Variants in NELL1 observed in about 807,000 individuals in gnomAD.
The protein encoded by NELL1 is protein kinase C-binding protein NELL1.
In NELL1, 76 loss-of-function variants were observed where a neutral mutation model predicts 107.4. The observed-to-expected ratio is 0.71, with a 90% CI of 0.59 to 0.86. NELL1 has a LOEUF of 0.86. Ranked by LOEUF, NELL1 falls within the 40% of genes least tolerant of loss-of-function variation. The probability of loss-of-function intolerance (pLI) is 0.00; values close to 1 mark genes in which losing one functional copy is unlikely to be tolerated. For missense variants in NELL1, 1,024 were observed against 1,005.5 expected (o/e 1.02, Z -0.25); for synonymous variants, 353 against 341.2 (o/e 1.03, Z -0.38).
chr11:21,519,209 T>A (rs1276320767), intron 15 of NELL1, among the ~76,000 whole-genome samples: 1 of 152,180 alleles, frequency 6.6e-6, no homozygotes, highest in Non-Finnish European at 1.5e-5. Context: ...TAGCAAGAAC[T>A]TGGTCACATG....
chr11:20,949,443 G>A (rs1482438463), intron 11 of NELL1, among the ~76,000 whole-genome samples: 1 of 152,164 alleles, frequency 6.6e-6, no homozygotes, highest in Non-Finnish European at 1.5e-5. Context: ...GGAATTTTCA[G>A]AGTGATGCAT....
intron 2 of NELL1, among the ~76,000 whole-genome samples, chr11:20,740,432 C>G (rs895742866): frequency 2.0e-5 from 3 of 152,196 alleles, no homozygotes; most frequent in African/African-American, 7.2e-5. Flanking sequence ...TCTTGCTCCT[C>G]TCCTTTGGGG....
At chr11:21,292,093 A>G (rs1050449644) in intron 14 of NELL1, among the ~76,000 whole-genome samples, 3 of 152,212 alleles carry the variant, frequency 2.0e-5, no homozygotes, top group African/African-American at 7.2e-5. Context: ...AGGCAAGAGA[A>G]AGAAATAAAG....
intron 3 of NELL1, among the ~76,000 whole-genome samples, chr11:20,806,656 A>G (rs2134008359): frequency 6.6e-6 from 1 of 152,132 alleles, no homozygotes; most frequent in Non-Finnish European, 1.5e-5. Flanking sequence ...CCTCCCCTTT[A>G]AGGCCAATAA....
At chr11:20,751,503 G>T (rs539254465) in intron 2 of NELL1, among the ~76,000 whole-genome samples, 16 of 152,040 alleles carry the variant, frequency 1.1e-4, no homozygotes, top group African/African-American at 3.4e-4. Flanking sequence ...TGGAGTTGGG[G>T]TCTCACTCTG....
intron 14 of NELL1, among the ~76,000 whole-genome samples, chr11:21,352,547 A>C (rs1229489767): frequency 6.6e-6 from 1 of 152,172 alleles, no homozygotes. Context: ...AATATTACTT[A>C]AAACAGATTA....
intron 14 of NELL1, among the ~76,000 whole-genome samples, chr11:21,362,683 G>T (rs1381601964): frequency 6.6e-6 from 1 of 152,200 alleles, no homozygotes; most frequent in East Asian, 1.9e-4. Flanking sequence ...CTCTAAGCTT[G>T]CCCTAAGATG....
intron 2 of NELL1, among the ~76,000 whole-genome samples, chr11:20,741,089 C>T (rs1052904311): frequency 6.6e-6 from 1 of 151,998 alleles, no homozygotes; most frequent in Non-Finnish European, 1.5e-5. Flanking sequence ...GCCCCTCCCC[C>T]ACCCCATCCC....
intron 3 of NELL1, among the ~76,000 whole-genome samples, chr11:20,788,614 G>GT (rs1332472494): frequency 6.6e-6 from 1 of 150,764 alleles, no homozygotes. Flanking sequence ...ATGATTTACA[G>GT]TTTTTTCCCC....
At chr11:21,435,758 A>T (rs2133839239) in intron 15 of NELL1, among the ~76,000 whole-genome samples, 1 of 151,454 alleles carries the variant, frequency 6.6e-6, no homozygotes, top group South Asian at 2.1e-4. Flanking sequence ...ATGTGTTTTC[A>T]TCAGAAATAT....
chr11:21,441,755 C>G (rs1311244187), intron 15 of NELL1, among the ~76,000 whole-genome samples: 2 of 152,088 alleles, frequency 1.3e-5, no homozygotes, highest in African/African-American at 4.8e-5. Context: ...GGTCTGACAT[C>G]AGTAGGTAGT....
chr11:20,906,119 G>A (rs1022226929), intron 5 of NELL1, among the ~76,000 whole-genome samples: 4 of 152,062 alleles, frequency 2.6e-5, no homozygotes, highest in Admixed American at 2.6e-4. Flanking sequence ...AGACCAGAAG[G>A]CAATGGGTTG....
chr11:21,471,006 A>G (rs1458539565), intron 15 of NELL1, among the ~76,000 whole-genome samples: 2 of 152,218 alleles, frequency 1.3e-5, no homozygotes, highest in Non-Finnish European at 2.9e-5. Flanking sequence ...ATTGTCATCA[A>G]TCCTTATCAT....
At chr11:20,723,596 C>T (rs975575482) in intron 2 of NELL1, among the ~76,000 whole-genome samples, 7 of 152,282 alleles carry the variant, frequency 4.6e-5, no homozygotes, top group African/African-American at 1.2e-4. Context: ...GAGCTGCTTT[C>T]ATAGGTTGGT....
chr11:21,362,134 G>A (rs1242242803), intron 14 of NELL1, among the ~76,000 whole-genome samples: 1 of 152,162 alleles, frequency 6.6e-6, no homozygotes, highest in Non-Finnish European at 1.5e-5. Flanking sequence ...ATTCAGTGGA[G>A]AGGTCTGAAA....
At chr11:20,813,896 G>A (rs1461152113) in intron 3 of NELL1, among the ~76,000 whole-genome samples, 1 of 151,588 alleles carries the variant, frequency 6.6e-6, no homozygotes, top group African/African-American at 2.4e-5. Flanking sequence ...CTCTAATTTT[G>A]TCTTTATCAC....
At chr11:20,821,291 A>G (rs780686751) in intron 3 of NELL1, among the ~76,000 whole-genome samples, 5 of 152,170 alleles carry the variant, frequency 3.3e-5, no homozygotes, top group South Asian at 2.1e-4. Flanking sequence ...TCTCTAGAAT[A>G]CAAATTACTA....
chr11:20,680,007 G>A (rs78456394), intron 2 of NELL1, among the ~76,000 whole-genome samples: 5,384 of 152,014 alleles, frequency 0.035, 328 homozygotes, highest in African/African-American at 0.12. Context: ...TTGTCTGCCC[G>A]GCTACAACAA....
At chr11:21,284,182 C>G (rs1192684919) in intron 14 of NELL1, 1 of 452,528 alleles carries the variant, frequency 2.2e-6, no homozygotes, top group Admixed American at 2.4e-5. Flanking sequence ...AATCCTTCAA[C>G]AACATGTTGC....
Sources: gnomAD v4.1 joint callset for allele counts (sites outside exome capture counted in the v4.1 genomes callset) on GRCh38, gnomAD v4.1.1 for gene constraint, MANE v1.5 for transcripts, NCBI Gene and HGNC (gene_info 2026-07-23, HGNC 2026-07-21) for gene names.